The following RSPO2 variants were observed in gnomAD, a reference collection of about 807,000 sequenced individuals.
RSPO2 encodes R-spondin 2, also known as R-spondin-2.
In RSPO2, 14 loss-of-function variants were observed where a neutral mutation model predicts 30.9. The observed-to-expected ratio is 0.45, with a 90% CI of 0.30 to 0.71. RSPO2 has a LOEUF of 0.71. Among genes scored for constraint, RSPO2 ranks in the 30% least tolerant of loss-of-function variants. The pLI is 0.08. For missense variants in RSPO2, 264 were observed against 301.9 expected, an observed-to-expected ratio of 0.87 and a Z score of 0.93; for synonymous variants, 107 against 96.4, an observed-to-expected ratio of 1.11 and a Z score of -0.64.
At chr8:108,027,446 C>G (rs902755788) in intron 2 of RSPO2, among the ~76,000 whole-genome samples, 4 of 152,134 alleles carry the variant, frequency 2.6e-5, no homozygotes, top group African/African-American at 9.7e-5. Flanking sequence ...TGACCAGATT[C>G]AGGAGTAACA....
chr8:107,917,279 G>A (rs918116845), intron 5 of RSPO2, among the ~76,000 whole-genome samples: 3 of 152,122 alleles, frequency 2.0e-5, no homozygotes, highest in African/African-American at 7.2e-5. Flanking sequence ...GAGGTCAGGA[G>A]TTTGAGACCA....
intron 5 of RSPO2, among the ~76,000 whole-genome samples, chr8:107,901,642 A>G (rs1266957888): frequency 6.6e-6 from 1 of 152,240 alleles, no homozygotes; most frequent in African/African-American, 2.4e-5. Flanking sequence ...TGGGGGAAAA[A>G]GAGTCTTGCT....
chr8:107,916,376 G>GA (rs1361900162), intron 5 of RSPO2, among the ~76,000 whole-genome samples: 1 of 152,128 alleles, frequency 6.6e-6, no homozygotes, highest in East Asian at 1.9e-4. Flanking sequence ...GGAAAAGTCA[G>GA]ACCTTATTTG....
chr8:107,985,981 T>C (rs1337856043), intron 3 of RSPO2, among the ~76,000 whole-genome samples: 1 of 152,184 alleles, frequency 6.6e-6, no homozygotes, highest in Non-Finnish European at 1.5e-5. Context: ...CTCTAGTGAT[T>C]AGGAAACAGA....
chr8:107,900,153 T>C lies in RSPO2; in HGVS notation c.*922A>G, dbSNP rs1280970310. 6.6e-6 allele frequency: 1 copy of C among 152,200 alleles called. No homozygotes were observed. The highest frequency in any genetic ancestry group is 1.5e-5 in the Non-Finnish European group (1 of 68,026). 9.4% of individuals were successfully genotyped at this position (152,200 alleles called of 1,614,324 possible). ...TGTGTTTCATCAAAGTCATCACATC[T>C]TAGACTCAAAGGCAGTTTGGGCTTC... On this transcript the variant is annotated 3_prime_UTR_variant, in exon 6 of 6. Coordinates refer to ENST00000276659, the MANE Select transcript of RSPO2 (RefSeq NM_178565.5).
chr8:108,079,004 C>G (rs546682137), intron 2 of RSPO2, among the ~76,000 whole-genome samples: 2 of 152,244 alleles, frequency 1.3e-5, no homozygotes, highest in Non-Finnish European at 2.9e-5. Context: ...TTTCAGTAAT[C>G]CAGTCTGAAA....
intron 5 of RSPO2, among the ~76,000 whole-genome samples, chr8:107,934,223 A>G (rs955369582): frequency 5.9e-5 from 9 of 152,224 alleles, no homozygotes; most frequent in African/African-American, 2.2e-4. Flanking sequence ...TTGGCAAAAA[A>G]AATCACATCC....
At chr8:107,912,600 G>C (rs1367236037) in intron 5 of RSPO2, among the ~76,000 whole-genome samples, 1 of 152,176 alleles carries the variant, frequency 6.6e-6, no homozygotes, top group Non-Finnish European at 1.5e-5. Context: ...CTCTATTCAT[G>C]AACAGGTTCT....
intron 5 of RSPO2, among the ~76,000 whole-genome samples, chr8:107,947,986 A>G (rs544935183): frequency 1.3e-5 from 2 of 152,170 alleles, no homozygotes; most frequent in Non-Finnish European, 2.9e-5. Context: ...CTTTTTAAAC[A>G]TGGTTTCTAC....
At chr8:107,998,399 G>A (rs539391606) in intron 2 of RSPO2, among the ~76,000 whole-genome samples, 5 of 152,142 alleles carry the variant, frequency 3.3e-5, no homozygotes, top group South Asian at 4.1e-4. Context: ...AGCAATCAAC[G>A]TAATGAATTA....
At chr8:108,037,145 T>G (rs1394683743) in intron 2 of RSPO2, among the ~76,000 whole-genome samples, 1 of 152,188 alleles carries the variant, frequency 6.6e-6, no homozygotes, top group African/African-American at 2.4e-5. Flanking sequence ...GAGCAGGGCA[T>G]GTTAAAAGCC....
At chr8:108,011,127 C>T (rs1402562054) in intron 2 of RSPO2, among the ~76,000 whole-genome samples, 3 of 87,740 alleles carry the variant, frequency 3.4e-5, no homozygotes, top group South Asian at 4.2e-4. Flanking sequence ...AGTGAGACTC[C>T]GTCCCAGAAA....
At chr8:107,969,065 G>A (rs1458946659) in intron 3 of RSPO2, among the ~76,000 whole-genome samples, 1 of 152,036 alleles carries the variant, frequency 6.6e-6, no homozygotes, top group Non-Finnish European at 1.5e-5. Flanking sequence ...AAGATCTAAA[G>A]GCAATTTTGA....
intron 2 of RSPO2, among the ~76,000 whole-genome samples, chr8:108,037,492 G>C (rs545410634): frequency 1.3e-5 from 2 of 152,332 alleles, no homozygotes; most frequent in South Asian, 2.1e-4. Flanking sequence ...AAGTGAAACA[G>C]TAAGTATTGA....
chr8:107,971,034 C>T (rs772796700), intron 3 of RSPO2, among the ~76,000 whole-genome samples: 4 of 152,094 alleles, frequency 2.6e-5, no homozygotes, highest in Admixed American at 6.6e-5. Flanking sequence ...TTAACTGCCT[C>T]GCAGGATTTC....
chr8:107,922,770 C>A (rs1292262876), intron 5 of RSPO2, among the ~76,000 whole-genome samples: 1 of 151,640 alleles, frequency 6.6e-6, no homozygotes, highest in Non-Finnish European at 1.5e-5. Context: ...GAACAGAGAG[C>A]CCCAAAATAA....
At chr8:107,975,920 T>C (rs1160115698) in intron 3 of RSPO2, among the ~76,000 whole-genome samples, 2 of 152,222 alleles carry the variant, frequency 1.3e-5, no homozygotes, top group African/African-American at 2.4e-5. Flanking sequence ...AGCTGTCTTC[T>C]AATAAGTGGA....
At chr8:107,924,827 C>G (rs1045002941) in intron 5 of RSPO2, among the ~76,000 whole-genome samples, 2 of 25,198 alleles carry the variant, frequency 7.9e-5, no homozygotes, top group Non-Finnish European at 2.1e-4. Context: ...AACATGCACA[C>G]ACACACACAC....
At chr8:107,994,284 G>T (rs943896752) in intron 2 of RSPO2, among the ~76,000 whole-genome samples, 1 of 152,036 alleles carries the variant, frequency 6.6e-6, no homozygotes. Context: ...AAAAAGTAAA[G>T]CATATAAAGG....
Sources: allele counts gnomAD v4.1 joint callset (sites outside exome capture counted in the v4.1 genomes callset), GRCh38; gene constraint gnomAD v4.1.1; transcripts MANE v1.5; gene names NCBI Gene and HGNC (gene_info 2026-07-23, HGNC 2026-07-21).